The following ZSCAN30 variants were observed in gnomAD, a reference collection of about 807,000 sequenced individuals.
The protein encoded by ZSCAN30 is zinc finger and SCAN domain-containing protein 30.
In ZSCAN30, 37 loss-of-function variants were observed where a neutral mutation model predicts 44.3. The observed-to-expected ratio is 0.84, with a 90% confidence interval of 0.64 to 1.10. The LOEUF (loss-of-function observed/expected upper bound fraction) is 1.10, where lower values mean the gene tolerates loss of function less well. ZSCAN30 is among the 50% of genes least tolerant of loss of function. The probability of loss-of-function intolerance (pLI) is 0.00; values close to 1 mark genes in which losing one functional copy is unlikely to be tolerated. For missense variants in ZSCAN30, 549 were observed against 582.6 expected (o/e 0.94, Z 0.59); for synonymous variants, 181 against 204.6 (o/e 0.88, Z 0.98).
chr18:35,261,501 C>A (rs2044029342), intron 3 of ZSCAN30: 1 of 152,088 alleles, frequency 6.6e-6, no homozygotes, highest in African/African-American at 2.4e-5. Flanking sequence ...AATGTTTCTC[C>A]ATTTGTTTGT....
chr18:35,270,522 C>G (rs1051858587), intron 1 of ZSCAN30, among the ~76,000 whole-genome samples: 1 of 152,192 alleles, frequency 6.6e-6, no homozygotes, highest in Non-Finnish European at 1.5e-5. Flanking sequence ...CTTGAGTTCT[C>G]AATTTCTGTC....
Position 35,253,466 on chromosome 18 carries a change from G to A in ZSCAN30, c.1469C>T (p.Thr490Ile), listed in dbSNP as rs1325550143. The A allele has an allele frequency of 1.9e-6, 3 of 1,579,444 alleles. No individual in the cohort carries two copies. The African/African-American group carries it at 4.1e-5, about 21-fold the overall frequency. The change falls in exon 4 of 4, where the codon ACA becomes ATA. Residue 490 changes from threonine to isoleucine, a missense_variant. Transcript: ENST00000333206. ...HRSGLMQHQR[T>I]HTRV ...CCCACAGAGTTAAACTCTGGTGTGT[G>A]TTCTCTGATGCTGCATAAGGCCTGA...
chr18:35,272,023 G>A lies in ZSCAN30; in HGVS notation c.-103-7568C>T, dbSNP rs552673887. 3.9e-5 allele frequency among the ~76,000 whole-genome samples: 6 copies of A among 152,328 alleles called. No individual in the cohort carries two copies. In the East Asian group the frequency reaches 5.8e-4, roughly 15 times the overall value. On this transcript the variant is annotated intron_variant, in intron 1 of 3. Coordinates refer to ENST00000333206, the MANE Select transcript of ZSCAN30 (RefSeq NM_001112734.4). ...CACGCCTCTCTCTCCACAGCTCCCCGCAAGCAGAGGGAGCCAGCTCCCCCT... is the reference window on the plus strand; with the variant it reads ...CACGCCTCTCTCTCCACAGCTCCCCACAAGCAGAGGGAGCCAGCTCCCCCT...
At chr18:35,273,582 C>T (rs1036943139) in intron 1 of ZSCAN30, among the ~76,000 whole-genome samples, 1 of 152,122 alleles carries the variant, frequency 6.6e-6, no homozygotes, top group Non-Finnish European at 1.5e-5. Context: ...TTGTATGTAT[C>T]CGGTTTTCCC....
intron 1 of ZSCAN30, among the ~76,000 whole-genome samples, chr18:35,278,468 C>T (rs1046387353): frequency 6.6e-6 from 1 of 152,196 alleles, no homozygotes; most frequent in Non-Finnish European, 1.5e-5. Flanking sequence ...AGAATCCATA[C>T]AATTAGGCAC....
At chr18:35,287,574 C>CA (rs59300208) in intron 1 of ZSCAN30, among the ~76,000 whole-genome samples, 34,085 of 94,474 alleles carry the variant, frequency 0.36, 5,611 homozygotes, top group Admixed American at 0.4. Flanking sequence ...ATCCACATAC[C>CA]AAAAAAAAAA....
At chr18:35,277,403 T>C (rs111294876) in intron 1 of ZSCAN30, among the ~76,000 whole-genome samples, 16,345 of 152,202 alleles carry the variant, frequency 0.11, 1,136 homozygotes, top group South Asian at 0.16. Flanking sequence ...AAATCTCATC[T>C]TGAATTGTAG....
At chr18:35,268,114 C>CA (rs985857749) in intron 1 of ZSCAN30, 3 of 152,336 alleles carry the variant, frequency 2.0e-5, no homozygotes, top group Non-Finnish European at 4.4e-5. Context: ...TAGGAAGCGA[C>CA]AGGAGCCAGG....
At chr18:35,255,999 T>C (rs2043796062) in intron 3 of ZSCAN30, among the ~76,000 whole-genome samples, 2 of 152,088 alleles carry the variant, frequency 1.3e-5, no homozygotes, top group Non-Finnish European at 2.9e-5. Context: ...AATTATAGGG[T>C]ATAAAGTGGC....
chr18:35,266,113 C>T (rs1052832307), intron 1 of ZSCAN30, among the ~76,000 whole-genome samples: 44 of 152,306 alleles, frequency 2.9e-4, no homozygotes, highest in African/African-American at 8.2e-4. Flanking sequence ...AACCGCAAGG[C>T]AGACTTCCTG....
chr18:35,267,006 C>G (rs2044167551), intron 1 of ZSCAN30: 1 of 152,124 alleles, frequency 6.6e-6, no homozygotes, highest in Non-Finnish European at 1.5e-5. Context: ...AGACCAAGCA[C>G]AGTGGCTCAT....
intron 1 of ZSCAN30, chr18:35,284,635 A>T (rs1457595848): frequency 6.4e-6 from 1 of 155,174 alleles, no homozygotes; most frequent in Non-Finnish European, 1.5e-5. Flanking sequence ...AGGAGCAGGG[A>T]GAGGCCAGGC....
intron 1 of ZSCAN30, chr18:35,284,830 GCT>G (rs1380341003): frequency 6.4e-6 from 1 of 155,104 alleles, no homozygotes; most frequent in Non-Finnish European, 1.5e-5. Context: ...ACTCCTGCCT[GCT>G]CCCAGCCTCC....
At chr18:35,270,961 G>A (rs530666766) in intron 1 of ZSCAN30, among the ~76,000 whole-genome samples, 36 of 152,186 alleles carry the variant, frequency 2.4e-4, no homozygotes, top group Non-Finnish European at 4.0e-4. Flanking sequence ...TCTTAAGGTG[G>A]TGCATCTGGA....
At chr18:35,278,156 G>A (rs1041279650) in intron 1 of ZSCAN30, among the ~76,000 whole-genome samples, 2 of 151,988 alleles carry the variant, frequency 1.3e-5, no homozygotes, top group African/African-American at 4.8e-5. Context: ...GACTCAATAT[G>A]CCCTCTGGGT....
intron 1 of ZSCAN30, among the ~76,000 whole-genome samples, chr18:35,278,470 A>G (rs887322678): frequency 2.0e-4 from 30 of 152,214 alleles, no homozygotes; most frequent in Admixed American, 1.3e-4. Context: ...AATCCATACA[A>G]TTAGGCACAA....
chr18:35,279,580 T>C (rs1452895034), intron 1 of ZSCAN30, among the ~76,000 whole-genome samples: 1 of 152,216 alleles, frequency 6.6e-6, no homozygotes, highest in African/African-American at 2.4e-5. Context: ...TTATTTCTCA[T>C]AGTACTGGAG....
chr18:35,259,381 A>G (rs931556726), intron 3 of ZSCAN30, among the ~76,000 whole-genome samples: 2 of 152,124 alleles, frequency 1.3e-5, no homozygotes, highest in Non-Finnish European at 2.9e-5. Flanking sequence ...TAGTAAAGAC[A>G]GGGTTTCACA....
chr18:35,255,002 C>T (rs1008127536), intron 3 of ZSCAN30: 8 of 153,902 alleles, frequency 5.2e-5, no homozygotes, highest in Non-Finnish European at 7.3e-5. Flanking sequence ...ATTCTCAGGT[C>T]AGGTGGGAAT....
Sources: gnomAD v4.1 joint callset for allele counts (sites outside exome capture counted in the v4.1 genomes callset) on GRCh38, gnomAD v4.1.1 for gene constraint, MANE v1.5 for transcripts, NCBI Gene and HGNC (gene_info 2026-07-23, HGNC 2026-07-21) for gene names.